CCDC171: variants seen among roughly 807,000 people sequenced by gnomAD.
CCDC171 encodes the protein coiled-coil domain-containing protein 171.
A neutral mutation model predicts 168.2 loss-of-function variants in CCDC171; 177 were observed. That is an observed-to-expected ratio of 1.05 (90% CI 0.93 to 1.19). The LOEUF (loss-of-function observed/expected upper bound fraction) is 1.19, where lower values mean the gene tolerates loss of function less well. CCDC171 is among the 50% of genes most tolerant of loss of function. The pLI is 0.00. For synonymous variants in CCDC171, 687 were observed against 540.8 expected, an observed-to-expected ratio of 1.27 and a Z score of -3.75; for missense variants, 1,991 against 1,539.0, an observed-to-expected ratio of 1.29 and a Z score of -4.91.
At chr9:15,958,114 CCATTCATTCATTCATTCATT>C (rs34099313) in intron 25 of CCDC171, among the ~76,000 whole-genome samples, 149 of 150,778 alleles carry the variant, frequency 9.9e-4, no homozygotes, top group African/African-American at 3.5e-3. Flanking sequence ...ACTCACTCAT[CCATTCATTCATTCATTCATT>C]CATTCATTCA....
intron 21 of CCDC171, among the ~76,000 whole-genome samples, chr9:15,796,420 A>G (rs1490361584): frequency 2.0e-5 from 3 of 152,228 alleles, no homozygotes; most frequent in Admixed American, 2.0e-4. Flanking sequence ...TGACAGAATA[A>G]CGAAGACAAA....
At chr9:15,892,949 T>C (rs908706326) in intron 24 of CCDC171, among the ~76,000 whole-genome samples, 1 of 152,278 alleles carries the variant, frequency 6.6e-6, no homozygotes, top group African/African-American at 2.4e-5. Flanking sequence ...AAAATTAATA[T>C]GGAACCAAGA....
At chr9:15,778,638 T>TCC (rs377761422) in intron 19 of CCDC171, among the ~76,000 whole-genome samples, 38,953 of 98,072 alleles carry the variant, frequency 0.4, 8,263 homozygotes, top group East Asian at 0.65. Flanking sequence ...AGAGTAAGAC[T>TCC]GTCTCAAAAA....
At chr9:15,992,396 C>T (rs569505595) in intron 3 of CCDC171, among the ~76,000 whole-genome samples, 1 of 152,180 alleles carries the variant, frequency 6.6e-6, no homozygotes, top group African/African-American at 2.4e-5. Flanking sequence ...TTCAACAGCT[C>T]TTCATGCTAA....
chr9:15,881,805 T>G (rs960359427), intron 24 of CCDC171, among the ~76,000 whole-genome samples: 1 of 152,268 alleles, frequency 6.6e-6, no homozygotes, highest in African/African-American at 2.4e-5. Context: ...ATTTCATTCC[T>G]AATTCATTGT....
chr9:16,100,371 C>G, the CCDC171 span, among the ~76,000 whole-genome samples: 1 of 152,188 alleles, frequency 6.6e-6, no homozygotes, highest in African/African-American at 2.4e-5. Context: ...GCTCAGGCAG[C>G]TACCTCAGGC....
chr9:16,016,041 C>T (rs1833005546), intron 3 of CCDC171, among the ~76,000 whole-genome samples: 3 of 152,108 alleles, frequency 2.0e-5, no homozygotes, highest in African/African-American at 7.2e-5. Context: ...AAGTTGCTTC[C>T]ACCTTTGGCT....
chr9:15,874,197 T>A (rs1432354059), intron 23 of CCDC171, among the ~76,000 whole-genome samples: 1 of 152,122 alleles, frequency 6.6e-6, no homozygotes, highest in African/African-American at 2.4e-5. Context: ...GAGATGGCTG[T>A]TGTTTTTGAT....
In CCDC171 at chr9:15,990,876, G is replaced by C. The variant is rs571584216; in HGVS notation, n.369-29713G>C. ...GGATCAATTCAACAAGAAGAGCTAG[G>C]TATCCTAAATATATATGCACCCAAT... On this transcript the variant is annotated intron_variant and non_coding_transcript_variant, in intron 3 of 9. Coordinates refer to the CCDC171 transcript ENST00000486641. Among the ~76,000 whole-genome samples the C allele has an allele frequency of 7.9e-5, 12 of 152,034 alleles. No homozygotes were observed. The South Asian group carries it at 2.1e-3, about 26-fold the overall frequency.
At chr9:15,926,722 G>C (rs1440857315) in intron 25 of CCDC171, among the ~76,000 whole-genome samples, 3 of 151,666 alleles carry the variant, frequency 2.0e-5, no homozygotes, top group Admixed American at 6.6e-5. Context: ...ATGAAACAAA[G>C]ACACAGTGTC....
At chr9:15,922,842 A>G (rs1825502551) in intron 25 of CCDC171, among the ~76,000 whole-genome samples, 1 of 151,378 alleles carries the variant, frequency 6.6e-6, no homozygotes, top group Non-Finnish European at 1.5e-5. Context: ...TTTTTCATAC[A>G]CAAGTCCATT....
At chr9:15,937,750 T>A (rs1384866060) in intron 25 of CCDC171, among the ~76,000 whole-genome samples, 2 of 151,962 alleles carry the variant, frequency 1.3e-5, no homozygotes, top group Non-Finnish European at 2.9e-5. Flanking sequence ...ATGATTTCTT[T>A]AAAAGGAAAT....
intron 10 of CCDC171, among the ~76,000 whole-genome samples, chr9:15,685,311 C>T (rs959579740): frequency 2.0e-5 from 3 of 152,002 alleles, no homozygotes; most frequent in East Asian, 3.9e-4. Context: ...AAGAGAACTA[C>T]CAGCTTTGGA....
At chr9:15,809,902 A>C (rs10962169) in intron 21 of CCDC171, among the ~76,000 whole-genome samples, 66,883 of 151,910 alleles carry the variant, frequency 0.44, 14,939 homozygotes, top group African/African-American at 0.47. Flanking sequence ...TTACAGAGAG[A>C]TGATTGGTCC....
intron 24 of CCDC171, among the ~76,000 whole-genome samples, chr9:15,906,582 A>T (rs1320638075): frequency 1.3e-5 from 2 of 152,314 alleles, no homozygotes; most frequent in African/African-American, 4.8e-5. Flanking sequence ...AATGGGCAAA[A>T]ACTGGAAGCA....
At chr9:15,612,366 G>C (rs183600889) in intron 6 of CCDC171, among the ~76,000 whole-genome samples, 44 of 152,146 alleles carry the variant, frequency 2.9e-4, no homozygotes, top group African/African-American at 1.0e-3. Context: ...TCTTTTGTTG[G>C]CTATCATTTT....
At chr9:16,009,368 C>T (rs554469431) in intron 3 of CCDC171, among the ~76,000 whole-genome samples, 95 of 152,226 alleles carry the variant, frequency 6.2e-4, no homozygotes, top group Non-Finnish European at 1.1e-3. Context: ...CTCCAGGAAC[C>T]CTGTTATTAA....
At chr9:16,021,302 G>A (rs558377934) in intron 4 of CCDC171, among the ~76,000 whole-genome samples, 10 of 152,242 alleles carry the variant, frequency 6.6e-5, no homozygotes, top group South Asian at 6.2e-4. Flanking sequence ...TGGCCAGGAT[G>A]GTCTCAATCT....
At chr9:15,639,556 G>C (rs2046439522) in intron 7 of CCDC171, among the ~76,000 whole-genome samples, 1 of 151,962 alleles carries the variant, frequency 6.6e-6, no homozygotes, top group Non-Finnish European at 1.5e-5. Context: ...TTTATAATCT[G>C]AGTGGTATAC....
Sources: allele counts gnomAD v4.1 joint callset (sites outside exome capture counted in the v4.1 genomes callset), GRCh38; gene constraint gnomAD v4.1.1; transcripts MANE v1.5; gene names NCBI Gene and HGNC (gene_info 2026-07-23, HGNC 2026-07-21).